Variants in ACSS3 observed in about 807,000 individuals in gnomAD.
The protein encoded by ACSS3 is acyl-CoA synthetase short chain family member 3, also known as acyl-CoA synthetase short-chain family member 3, mitochondrial.
A neutral mutation model predicts 84.2 loss-of-function variants in ACSS3; 64 were observed. That is an observed-to-expected ratio of 0.76 (90% CI 0.62 to 0.94). ACSS3 has a LOEUF of 0.94. Among genes scored for constraint, ACSS3 ranks in the 40% least tolerant of loss-of-function variants. The pLI is 0.00. For synonymous variants in ACSS3, 317 were observed against 310.1 expected, an observed-to-expected ratio of 1.02 and a Z score of -0.23; for missense variants, 815 against 867.6, an observed-to-expected ratio of 0.94 and a Z score of 0.76.
chr12:81,216,915 A>G lies in ACSS3; in HGVS notation c.1369A>G (p.Ile457Val). 1.2e-6 allele frequency: 2 copies of G among 1,610,864 alleles called. No homozygotes were observed. Among genetic ancestry groups the G allele is most frequent in the African/African-American group, 1.3e-5 (1 of 74,956 alleles). ...HWWQTETGSPITASCVGLGNS... is the reference protein window; with the variant it reads ...HWWQTETGSPVTASCVGLGNS... The stretch of plus-strand genomic sequence containing the variant: ...TCTTTTTCCAGAGACTGGATCTCCA[A>G]TTACTGCGTCATGTGTTGGATTAGG... Residue 457 changes from isoleucine to valine, a missense_variant, in exon 10 of 16, where the codon ATT becomes GTT. Ile to Val is a conservative substitution (Grantham distance 29, BLOSUM62 3). Transcript: ENST00000548058.
chr12:81,257,477 A>C lies in ACSS3; in HGVS notation c.*2555A>C, dbSNP rs1408166893. The C allele has an allele frequency of 6.6e-6, 1 of 150,914 alleles. No homozygotes were observed. The highest frequency in any genetic ancestry group is 1.5e-5 in the Non-Finnish European group (1 of 68,028). 9.3% of individuals were successfully genotyped at this position (150,914 alleles called of 1,614,324 possible). ...ATTACTAAAAAATGCAGACATACTT[A>C]AACTTGCTAGAATAAATTCTGTGAG... On this transcript the variant is annotated 3_prime_UTR_variant, in exon 16 of 16. Transcript: ENST00000548058.
chr12:81,149,441 C>T (rs773366833), intron 5 of ACSS3, among the ~76,000 whole-genome samples: 11 of 152,136 alleles, frequency 7.2e-5, no homozygotes, highest in Admixed American at 5.9e-4. Context: ...GAAATGTAAC[C>T]TTCGTGTTTT....
At chr12:81,099,075 G>T (rs1882296610) in intron 1 of ACSS3, among the ~76,000 whole-genome samples, 1 of 152,030 alleles carries the variant, frequency 6.6e-6, no homozygotes, top group South Asian at 2.1e-4. Flanking sequence ...GTTAATATTT[G>T]GGATTCTAAT....
chr12:81,160,220 C>T (rs1382368989), intron 7 of ACSS3, among the ~76,000 whole-genome samples: 1 of 152,102 alleles, frequency 6.6e-6, no homozygotes, highest in Non-Finnish European at 1.5e-5. Context: ...TCTTCTTTTC[C>T]AGTCAAGGGA....
At chr12:81,130,640 C>G (rs1161203453) in intron 2 of ACSS3, among the ~76,000 whole-genome samples, 2 of 152,202 alleles carry the variant, frequency 1.3e-5, no homozygotes, top group African/African-American at 4.8e-5. Flanking sequence ...AATTAGATCC[C>G]ATTTGTCTAT....
At chr12:81,245,584 C>T (rs1224178091) in intron 13 of ACSS3, among the ~76,000 whole-genome samples, 1 of 152,194 alleles carries the variant, frequency 6.6e-6, no homozygotes, top group Non-Finnish European at 1.5e-5. Context: ...AGAATAGTTT[C>T]TTTTAAGGGT....
chr12:81,193,013 A>G (rs1205733532), intron 8 of ACSS3, among the ~76,000 whole-genome samples: 1 of 152,186 alleles, frequency 6.6e-6, no homozygotes, highest in African/African-American at 2.4e-5. Flanking sequence ...GAGAGATGAG[A>G]AAGAAATGAG....
At chr12:81,247,261 C>A (rs1184759281) in intron 13 of ACSS3, among the ~76,000 whole-genome samples, 1 of 152,122 alleles carries the variant, frequency 6.6e-6, no homozygotes, top group Non-Finnish European at 1.5e-5. Flanking sequence ...GCATTTCCGG[C>A]AGACTCAGTC....
At chr12:81,248,245 A>C (rs564934956) in intron 13 of ACSS3, among the ~76,000 whole-genome samples, 31 of 152,088 alleles carry the variant, frequency 2.0e-4, no homozygotes, top group Non-Finnish European at 4.3e-4. Context: ...TCAAAGGGCT[A>C]CATTTACCCC....
chr12:81,192,335 G>A (rs757185094), intron 8 of ACSS3, among the ~76,000 whole-genome samples: 9 of 152,164 alleles, frequency 5.9e-5, no homozygotes, highest in Non-Finnish European at 7.4e-5. Context: ...AGCCGAGACC[G>A]TGCTCTTGCA....
intron 7 of ACSS3, chr12:81,174,502 T>C (rs2030320764): frequency 4.1e-6 from 1 of 245,496 alleles, no homozygotes; most frequent in Non-Finnish European, 7.7e-6. Context: ...TTTTATATTC[T>C]TAATTTGAAT....
At chr12:81,129,972 T>C (rs1425944551) in intron 2 of ACSS3, among the ~76,000 whole-genome samples, 1 of 152,164 alleles carries the variant, frequency 6.6e-6, no homozygotes, top group East Asian at 1.9e-4. Flanking sequence ...TTTTTATGGC[T>C]GCATAGTATT....
intron 9 of ACSS3, among the ~76,000 whole-genome samples, chr12:81,209,631 T>G (rs1426131706): frequency 6.6e-6 from 1 of 152,114 alleles, no homozygotes; most frequent in Non-Finnish European, 1.5e-5. Context: ...GGCAAGTCCA[T>G]AGAGTAAAGT....
chr12:81,120,061 A>C (rs1884447169), intron 2 of ACSS3, among the ~76,000 whole-genome samples: 2 of 141,508 alleles, frequency 1.4e-5, no homozygotes, highest in African/African-American at 2.4e-5. Context: ...AGCTGGGTCA[A>C]GTAATAAAAA....
chr12:81,204,463 A>G (rs142798621), intron 9 of ACSS3, among the ~76,000 whole-genome samples: 2,903 of 144,728 alleles, frequency 0.02, 48 homozygotes, highest in African/African-American at 0.05. Context: ...ATTCATTCCT[A>G]TTTGCTATAA....
chr12:81,114,132 C>T (rs1883836601), intron 2 of ACSS3, among the ~76,000 whole-genome samples: 1 of 151,758 alleles, frequency 6.6e-6, no homozygotes, highest in Admixed American at 6.6e-5. Flanking sequence ...GAACGTGTCC[C>T]CTGAAGGGCA....
intron 2 of ACSS3, among the ~76,000 whole-genome samples, chr12:81,118,604 G>T (rs994786156): frequency 6.6e-6 from 1 of 152,082 alleles, no homozygotes; most frequent in African/African-American, 2.4e-5. Context: ...CATTTCACAG[G>T]CAAAATAAAT....
chr12:81,235,695 AGTTTT>A (rs890678003), intron 13 of ACSS3, among the ~76,000 whole-genome samples: 3 of 151,360 alleles, frequency 2.0e-5, no homozygotes, highest in African/African-American at 7.3e-5. Flanking sequence ...ATTCTGAACA[AGTTTT>A]GTTAAGTTTA....
intron 2 of ACSS3, among the ~76,000 whole-genome samples, chr12:81,124,196 A>G (rs2121549270): frequency 6.6e-6 from 1 of 152,254 alleles, no homozygotes; most frequent in African/African-American, 2.4e-5. Flanking sequence ...CTGGTGTGAC[A>G]TGGTATCTCA....
Sources: gnomAD v4.1 joint callset for allele counts (sites outside exome capture counted in the v4.1 genomes callset) on GRCh38, gnomAD v4.1.1 for gene constraint, MANE v1.5 for transcripts, NCBI Gene and HGNC (gene_info 2026-07-23, HGNC 2026-07-21) for gene names.